The following MAP3K15 variants were observed in gnomAD, a reference collection of about 807,000 sequenced individuals.
The protein encoded by MAP3K15 is MAPK/ERK kinase kinase 15.
In MAP3K15, 124 loss-of-function variants were observed where a neutral mutation model predicts 99.5. The observed-to-expected ratio is 1.25, with a 90% confidence interval of 1.08 to 1.45. MAP3K15 has a LOEUF of 1.45. Ranked by LOEUF, MAP3K15 falls within the 40% of genes most tolerant of loss-of-function variation. The pLI is 0.00. For missense variants in MAP3K15, 1,242 were observed against 1,079.7 expected, an observed-to-expected ratio of 1.15 and a Z score of -2.11; for synonymous variants, 494 against 439.6, an observed-to-expected ratio of 1.12 and a Z score of -1.55.
At chrX:19,460,234 G>A (rs2064122618) in intron 4 of MAP3K15, 81 bp from the exon 5 acceptor site, 2 of 737,550 alleles carry the variant, frequency 2.7e-6, no homozygotes, top group Admixed American at 4.1e-5. Flanking sequence ...GGTTCTCATT[G>A]ACCTGACTTA....
intron 6 of MAP3K15, among the ~76,000 whole-genome samples, chrX:19,454,131 C>T (rs141940828): frequency 6.7e-4 from 75 of 111,644 alleles, no homozygotes; most frequent in African/African-American, 2.4e-3. Context: ...CCAGTCAGTG[C>T]GTCACACATC....
chrX:19,430,505 C>T (rs1304202740), intron 7 of MAP3K15, among the ~76,000 whole-genome samples: 4 of 111,872 alleles, frequency 3.6e-5, no homozygotes, highest in Admixed American at 1.9e-4. Flanking sequence ...CATTGCTGTT[C>T]GAAGCTGCTA....
intron 2 of MAP3K15, among the ~76,000 whole-genome samples, chrX:19,488,315 C>G (rs989343379): frequency 1.8e-5 from 2 of 112,084 alleles, no homozygotes; most frequent in African/African-American, 6.5e-5. Context: ...GGAACACACA[C>G]GTTTTCAGTT....
intron 12 of MAP3K15, among the ~76,000 whole-genome samples, chrX:19,409,166 T>G (rs927096262): frequency 9.0e-6 from 1 of 111,448 alleles, no homozygotes; most frequent in Middle Eastern, 4.6e-3. Context: ...AGGATCACAC[T>G]ATGTCTAGAA....
chrX:19,386,313 G>A (rs139696507), intron 18 of MAP3K15, among the ~76,000 whole-genome samples: 1,152 of 110,953 alleles, frequency 0.01, 6 homozygotes, highest in African/African-American at 0.035. Context: ...AAAATTAGCC[G>A]GGCATGGTGG....
intron 11 of MAP3K15, among the ~76,000 whole-genome samples, chrX:19,411,193 A>G (rs1602282710): frequency 9.0e-6 from 1 of 111,048 alleles, no homozygotes; most frequent in East Asian, 2.8e-4. Context: ...CAAAAAAAAA[A>G]AAAAATTCCA....
intron 6 of MAP3K15, among the ~76,000 whole-genome samples, chrX:19,437,858 G>C (rs187353510): frequency 9.0e-6 from 1 of 110,943 alleles, no homozygotes; most frequent in Non-Finnish European, 1.9e-5. Flanking sequence ...TCTAAGCATC[G>C]ATTACTATGT....
intron 3 of MAP3K15, among the ~76,000 whole-genome samples, chrX:19,474,640 G>T (rs2064229886): frequency 9.3e-6 from 1 of 108,021 alleles, no homozygotes; most frequent in African/African-American, 3.4e-5. Context: ...CTTAGGGAAT[G>T]TAGGTAACAT....
At chrX:19,377,318 C>T (rs970091278) in intron 19 of MAP3K15, among the ~76,000 whole-genome samples, 8 of 112,148 alleles carry the variant, frequency 7.1e-5, no homozygotes, top group African/African-American at 2.6e-4. Flanking sequence ...CTTTGGGACG[C>T]GGAGGCAGGT....
At chrX:19,374,838 C>A (rs2063406127) in intron 19 of MAP3K15, among the ~76,000 whole-genome samples, 178 bp from the exon 20 acceptor site, 1 of 111,874 alleles carries the variant, frequency 8.9e-6, no homozygotes, top group African/African-American at 3.3e-5. Flanking sequence ...TTCCCCCTCA[C>A]TGGCATCTTG....
intron 22 of MAP3K15, 73 bp from the exon 23 acceptor site, chrX:19,371,603 C>A (rs2063376318): frequency 1.3e-5 from 13 of 967,040 alleles, no homozygotes; most frequent in South Asian, 2.4e-5. Flanking sequence ...CTGGGGGAAA[C>A]AAGATGGTCC....
chrX:19,364,385 A>G (rs2063319380), intron 25 of MAP3K15, among the ~76,000 whole-genome samples: 1 of 111,668 alleles, frequency 9.0e-6, no homozygotes, highest in Admixed American at 9.5e-5. Flanking sequence ...TGGGGCTCAG[A>G]AAACAGTGCC....
At chrX:19,449,458 G>C (rs1191291677) in intron 6 of MAP3K15, among the ~76,000 whole-genome samples, 1 of 109,380 alleles carries the variant, frequency 9.1e-6, no homozygotes, top group Non-Finnish European at 1.9e-5. Flanking sequence ...TCAACCAGAA[G>C]GGATTTTTGT....
chrX:19,395,874 C>T (rs1021564877), intron 15 of MAP3K15, among the ~76,000 whole-genome samples: 4 of 111,915 alleles, frequency 3.6e-5, no homozygotes, highest in African/African-American at 1.3e-4. Flanking sequence ...ATCTCACTGC[C>T]CTGCATCCTA....
chrX:19,407,091 A>G (rs1365496544), intron 13 of MAP3K15, 97 bp downstream of exon 13: 1 of 477,794 alleles, frequency 2.1e-6, no homozygotes, highest in Admixed American at 4.8e-5. Context: ...ATTTCAAGAA[A>G]GACAGTAATA....
intron 4 of MAP3K15, among the ~76,000 whole-genome samples, chrX:19,462,922 T>C (rs2064141799): frequency 1.8e-5 from 2 of 112,390 alleles, no homozygotes; most frequent in African/African-American, 6.5e-5. Context: ...TGAAACTAAA[T>C]GAAATCACAA....
At position 19,362,656 on chromosome X, in the gene MAP3K15, G is replaced by A. The variant is rs1251117507; in HGVS notation, c.3679+82C>T. ...AATCTACTGGAGTCCTGGATTAACAGAAGATAACCTCAAATGTTTCTTCAA... is the reference window on the plus strand; with the variant it reads ...AATCTACTGGAGTCCTGGATTAACAAAAGATAACCTCAAATGTTTCTTCAA... On this transcript the variant is annotated intron_variant, in intron 26 of 28. Coordinates refer to ENST00000338883, the MANE Select transcript of MAP3K15 (RefSeq NM_001001671.4). 15 of 595,340 alleles carry A rather than the reference G, an allele frequency of 2.5e-5. No homozygotes were observed. The East Asian group carries it at 5.0e-4, about 20-fold the overall frequency. The allele number at this position is 595,340 out of a possible 1,213,427, so 49.1% of individuals were successfully genotyped here.
At position 19,415,197 on chromosome X, in the gene MAP3K15, A is replaced by G. The variant is rs774441931; in HGVS notation, c.1500T>C (p.Ile500=). ...GCCGCTCTTGCCTGGGCGAGTGTTCAATAATGGTTTTCTTGAAGCGCCGAA... is the reference window on the plus strand; with the variant it reads ...GCCGCTCTTGCCTGGGCGAGTGTTCGATAATGGTTTTCTTGAAGCGCCGAA... ...LLIRRFKKTI[I]EHSPRQERLN... Residue 500 remains isoleucine, a synonymous_variant, in exon 10 of 29, where the codon ATT becomes ATC. Transcript: ENST00000338883. 45 of 1,179,062 alleles carry G rather than the reference A, an allele frequency of 3.8e-5. No individual in the cohort carries two copies. Among genetic ancestry groups the G allele is most frequent in the Non-Finnish European group, 4.9e-5 (43 of 884,731 alleles).
At chrX:19,434,115 A>C (rs953860615) in intron 6 of MAP3K15, among the ~76,000 whole-genome samples, 1 of 112,497 alleles carries the variant, frequency 8.9e-6, no homozygotes, top group African/African-American at 3.2e-5. Context: ...ACATATTAAA[A>C]TGTTCAGAAA....
Sources: gnomAD v4.1 joint callset for allele counts (sites outside exome capture counted in the v4.1 genomes callset) on GRCh38, gnomAD v4.1.1 for gene constraint, MANE v1.5 for transcripts, NCBI Gene and HGNC (gene_info 2026-07-23, HGNC 2026-07-21) for gene names.